Variants in CYB5B observed in about 807,000 individuals in gnomAD.
The protein encoded by CYB5B is cytochrome b5 type B (outer mitochondrial membrane).
A neutral mutation model predicts 21.3 loss-of-function variants in CYB5B; 14 were observed. That is an observed-to-expected ratio of 0.66 (90% CI 0.43 to 1.03). The LOEUF is 1.03. Among genes scored for constraint, CYB5B ranks in the 50% least tolerant of loss-of-function variants. CYB5B has a pLI of 0.00. For missense variants in CYB5B, 166 were observed against 185.1 expected, an observed-to-expected ratio of 0.90 and a Z score of 0.60; for synonymous variants, 69 against 68.4, an observed-to-expected ratio of 1.01 and a Z score of -0.04.
chr16:69,424,956 G>T, intron 1 of CYB5B, 99 bp downstream of exon 1: 1 of 1,271,744 alleles, frequency 7.9e-7, no homozygotes. Context: ...TTGGCTGGGG[G>T]CGATAAGGCG....
At chr16:69,456,089 A>G (rs2142826416) in intron 3 of CYB5B, among the ~76,000 whole-genome samples, 1 of 152,240 alleles carries the variant, frequency 6.6e-6, no homozygotes, top group African/African-American at 2.4e-5. Flanking sequence ...GTATTACAAA[A>G]TATTTCCTTT....
In CYB5B at chr16:69,448,102, C is replaced by CT. The variant is rs1279238099; in HGVS notation, c.304-6dup. 1.2e-6 allele frequency: 2 copies of CT among 1,608,282 alleles called. No homozygotes were observed. The highest frequency in any genetic ancestry group is 8.5e-7 in the Non-Finnish European group (1 of 1,178,592). Reference sequence around the variant, plus strand: ...ATGTCTTAAAATATTATTTGTTTTCCTTTTTTTGACAGAGTGACCTTAAAC... The same window carrying CT: ...ATGTCTTAAAATATTATTTGTTTTCCTTTTTTTTGACAGAGTGACCTTAAAC... On this transcript the variant is annotated splice_polypyrimidine_tract_variant and intron_variant, in intron 2 of 4. Transcript: ENST00000307892.
At position 69,457,646 on chromosome 16, in the gene CYB5B, C is replaced by T. The variant is rs567498483; in HGVS notation, c.334-1447C>T. On this transcript the variant is annotated intron_variant, in intron 3 of 4. Transcript: ENST00000307892. ...ATTTTTCAAAGATTGACTTGTAACT[C>T]ATTTTAATTAATCGGATCCTTACTA... is the stretch of plus-strand genomic sequence containing the variant. 2.7e-4 allele frequency among the ~76,000 whole-genome samples: 41 copies of T among 152,252 alleles called. 1 individual carries two copies. The South Asian group carries it at 8.3e-3, about 31-fold the overall frequency.
chr16:69,464,379 A>G lies in CYB5B; in HGVS notation c.*1859A>G, dbSNP rs1027824141. The G allele has an allele frequency of 9.8e-5, 15 of 152,332 alleles. No homozygotes were observed. Among genetic ancestry groups the G allele is most frequent in the Admixed American group, 3.3e-4 (5 of 15,302 alleles). 9.4% of individuals were successfully genotyped at this position (152,332 alleles called of 1,614,324 possible). ...ATTATAAGATGCTACTTTTAAGACA[A>G]TATTGAAAAAAACTTTGGTTATTAT... On this transcript the variant is annotated 3_prime_UTR_variant, in exon 5 of 5. Transcript: ENST00000307892.
Position 69,459,120 on chromosome 16 carries a change from A to G in CYB5B, c.361A>G (p.Ser121Gly). ...CCCTTCAAAAAATGATACATGCAAA[A>G]GGTTAGTATCTCCTTAACAGCTTTC... Reference protein sequence around the residue: ...KDPSKNDTCKSCWAYWILPII... With the variant: ...KDPSKNDTCKGCWAYWILPII... Residue 121 changes from serine (S) to glycine (G), a missense_variant and splice_region_variant, in exon 4 of 5, where the codon AGT (serine) becomes GGT (glycine). By Grantham distance (56) the Ser-to-Gly change is moderately conservative (BLOSUM62 0). Coordinates refer to ENST00000307892, the MANE Select transcript of CYB5B (RefSeq NM_030579.3). The G allele has an allele frequency of 6.2e-7, 1 of 1,605,072 alleles. No individual in the cohort carries two copies. Among genetic ancestry groups the G allele is most frequent in the Non-Finnish European group, 8.5e-7 (1 of 1,177,232 alleles).
At chr16:69,435,147 G>A (rs1013437505) in intron 1 of CYB5B, among the ~76,000 whole-genome samples, 1 of 152,114 alleles carries the variant, frequency 6.6e-6, no homozygotes, top group African/African-American at 2.4e-5. Context: ...GAACCTTGTG[G>A]AAATAAGCTC....
intron 3 of CYB5B, among the ~76,000 whole-genome samples, chr16:69,452,692 A>G (rs1330451405): frequency 6.6e-6 from 1 of 151,276 alleles, no homozygotes; most frequent in Non-Finnish European, 1.5e-5. Flanking sequence ...TTTTTTATTC[A>G]TCATTATTTC....
chr16:69,462,663 C>T lies in CYB5B; in HGVS notation c.*143C>T, dbSNP rs563601110. On this transcript the variant is annotated 3_prime_UTR_variant, in exon 5 of 5. Transcript: ENST00000307892. Reference sequence around the variant, plus strand: ...AGCCAAGACGATTGGCCAGACATCACCTCAGATCTGAGACCAGCGTCTTCC... The same window carrying T: ...AGCCAAGACGATTGGCCAGACATCATCTCAGATCTGAGACCAGCGTCTTCC... 2.3e-4 allele frequency: 157 copies of T among 671,150 alleles called. 1 individual carries two copies. In the South Asian group the frequency reaches 2.5e-3, roughly 11 times the overall value. 41.6% of individuals were successfully genotyped at this position (671,150 alleles called of 1,614,324 possible).
rs150613911 is a variant in CYB5B, at chr16:69,436,057, G to A, written c.175-11093G>A. Among the ~76,000 whole-genome samples, 559 of 152,342 alleles carry A rather than the reference G, an allele frequency of 3.7e-3. 2 individuals are homozygous for A. The highest frequency in any genetic ancestry group is 6.9e-3 in the Non-Finnish European group (467 of 68,032). On this transcript the variant is annotated intron_variant, in intron 1 of 4. Transcript: ENST00000307892. ...TAACCTCTATCACTGCCCAGGTGAGGTGACCTGATCAAGGAATCTACTTTC... is the reference window on the plus strand; with the variant it reads ...TAACCTCTATCACTGCCCAGGTGAGATGACCTGATCAAGGAATCTACTTTC...
intron 1 of CYB5B, among the ~76,000 whole-genome samples, chr16:69,430,455 A>G (rs1055205493): frequency 2.0e-5 from 3 of 151,896 alleles, no homozygotes; most frequent in Admixed American, 2.0e-4. Flanking sequence ...TCCGGGCTCA[A>G]GTGATCCTTC....
Position 69,462,693 on chromosome 16 carries a change from C to T in CYB5B, c.*173C>T, listed in dbSNP as rs2015047743. ...GATCTGAGACCAGCGTCTTCCATCT[C>T]TCAGAGCCTTACTCCCAAAGTACCT... On this transcript the variant is annotated 3_prime_UTR_variant, in exon 5 of 5. Transcript: ENST00000307892. 1.7e-6 allele frequency: 1 copy of T among 596,092 alleles called. No homozygotes were observed. Among genetic ancestry groups the T allele is most frequent in the East Asian group, 2.9e-5 (1 of 34,338 alleles). 36.9% of individuals were successfully genotyped at this position (596,092 alleles called of 1,614,324 possible).
chr16:69,462,373 A>G lies in CYB5B; in HGVS notation c.363-57A>G. On this transcript the variant is annotated intron_variant, in intron 4 of 4. Coordinates refer to ENST00000307892, the MANE Select transcript of CYB5B (RefSeq NM_030579.3). ...TAAAAACATGTGAAAGCTGAAAGAT[A>G]GTGAACATTTGGCTTAAAATATTAA... 4 of 1,353,402 alleles carry G rather than the reference A, an allele frequency of 3.0e-6. No individual in the cohort carries two copies. The South Asian group carries it at 4.7e-5, about 16-fold the overall frequency. 83.8% of individuals were successfully genotyped at this position (1,353,402 alleles called of 1,614,324 possible). A position where few individuals can be genotyped will look rare whatever the true frequency, so the allele number is the denominator to read the frequency against.
rs534941397 is a variant in CYB5B at position 69,464,598 on chromosome 16, T to A, written c.*2078T>A. On this transcript the variant is annotated 3_prime_UTR_variant, in exon 5 of 5. Coordinates refer to ENST00000307892, the MANE Select transcript of CYB5B (RefSeq NM_030579.3). ...GCCTGAAGATAACTTGAATCAGTTG[T>A]AAAAGTGTGTTGGCAATGTCCGAAA... 2 of 152,482 alleles carry A rather than the reference T, an allele frequency of 1.3e-5. No homozygotes were observed. Among genetic ancestry groups the A allele is most frequent in the African/African-American group, 4.8e-5 (2 of 41,462 alleles). The allele number at this position is 152,482 out of a possible 1,614,324, so 9.4% of individuals were successfully genotyped here.
intron 4 of CYB5B, among the ~76,000 whole-genome samples, chr16:69,462,104 G>A (rs1166636424): frequency 7.9e-5 from 12 of 152,048 alleles, no homozygotes; most frequent in African/African-American, 2.4e-5. Flanking sequence ...AAAAGCAAAA[G>A]CACAATGAAG....
intron 1 of CYB5B, among the ~76,000 whole-genome samples, chr16:69,440,370 C>G (rs1324793429): frequency 1.3e-5 from 2 of 152,136 alleles, no homozygotes; most frequent in Admixed American, 6.5e-5. Context: ...ACTTTACATA[C>G]TGCCTATATT....
intron 1 of CYB5B, among the ~76,000 whole-genome samples, chr16:69,437,674 C>T (rs1246103352): frequency 2.0e-5 from 3 of 152,198 alleles, no homozygotes; most frequent in East Asian, 3.9e-4. Context: ...GCGTTAATTA[C>T]GTTTACACTG....
chr16:69,444,199 T>C (rs746407916), intron 1 of CYB5B: 24 of 159,006 alleles, frequency 1.5e-4, no homozygotes, highest in Non-Finnish European at 4.2e-5. Context: ...AGGATGAACA[T>C]GTAGTGGCAG....
At chr16:69,425,344 A>C (rs868300439) in intron 1 of CYB5B, among the ~76,000 whole-genome samples, 25 of 102,644 alleles carry the variant, frequency 2.4e-4, no homozygotes, top group African/African-American at 1.0e-3. Context: ...CATCTTGATT[A>C]TGCCTCCACT....
At chr16:69,456,086 A>G (rs1292393992) in intron 3 of CYB5B, among the ~76,000 whole-genome samples, 1 of 152,164 alleles carries the variant, frequency 6.6e-6, no homozygotes, top group East Asian at 1.9e-4. Context: ...CAGGTATTAC[A>G]AAATATTTCC....
Sources: allele counts gnomAD v4.1 joint callset (sites outside exome capture counted in the v4.1 genomes callset), GRCh38; gene constraint gnomAD v4.1.1; transcripts MANE v1.5; gene names NCBI Gene and HGNC (gene_info 2026-07-23, HGNC 2026-07-21).